The following CTDSPL2 variants were observed in gnomAD, a reference collection of about 807,000 sequenced individuals.
CTDSPL2 encodes the protein CTD small phosphatase like 2.
Under a neutral mutation model 60.0 loss-of-function variants are expected in CTDSPL2, and 5 were observed. That is an observed-to-expected ratio of 0.08 (90% CI 0.04 to 0.18). CTDSPL2 has a LOEUF of 0.18. Ranked by LOEUF, CTDSPL2 falls within the 10% of genes least tolerant of loss-of-function variation. The pLI is 1.00. For missense variants in CTDSPL2, 370 were observed against 548.8 expected (o/e 0.67, Z 3.26); for synonymous variants, 186 against 189.3 (o/e 0.98, Z 0.14).
At chr15:44,495,925 T>TC (rs1336024264) in intron 5 of CTDSPL2, among the ~76,000 whole-genome samples, 2 of 151,650 alleles carry the variant, frequency 1.3e-5, no homozygotes, top group South Asian at 2.1e-4. Flanking sequence ...AGATCGAGAC[T>TC]CCATCTCAAA....
chr15:44,491,812 C>T (rs1256896222), intron 5 of CTDSPL2, among the ~76,000 whole-genome samples: 1 of 152,044 alleles, frequency 6.6e-6, no homozygotes, highest in Non-Finnish European at 1.5e-5. Flanking sequence ...TTCAGGAGGC[C>T]AAGGCAGGAG....
chr15:44,522,966 T>G (rs141005902), intron 12 of CTDSPL2, among the ~76,000 whole-genome samples: 4 of 152,216 alleles, frequency 2.6e-5, no homozygotes, highest in African/African-American at 9.6e-5. Flanking sequence ...TTTGGCAGGA[T>G]GTAGTGGTGC....
chr15:44,519,321 T>C (rs1211550037), intron 11 of CTDSPL2, 26 bp downstream of exon 11: 2 of 1,532,880 alleles, frequency 1.3e-6, no homozygotes, highest in Admixed American at 2.4e-5. Context: ...ATAAACAAAC[T>C]CAGATTGGAA....
chr15:44,432,665 G>A (rs1420188573), intron 1 of CTDSPL2, among the ~76,000 whole-genome samples: 3 of 151,864 alleles, frequency 2.0e-5, no homozygotes, highest in Non-Finnish European at 4.4e-5. Flanking sequence ...TGTCTCCCAG[G>A]CTGCAGTGCA....
chr15:44,485,245 T>C (rs1284932090), intron 3 of CTDSPL2, among the ~76,000 whole-genome samples: 1 of 152,244 alleles, frequency 6.6e-6, no homozygotes, highest in Non-Finnish European at 1.5e-5. Flanking sequence ...ACTGCCGCTG[T>C]TGATAAACTC....
At chr15:44,474,648 G>C (rs941075524) in intron 2 of CTDSPL2, among the ~76,000 whole-genome samples, 3 of 152,112 alleles carry the variant, frequency 2.0e-5, no homozygotes, top group Admixed American at 6.6e-5. Flanking sequence ...CTGAGGTCAA[G>C]AGTTCGAGAC....
rs778837136 is a variant in CTDSPL2, at chr15:44,484,284, A to C, written c.247A>C (p.Ile83Leu). 1 of 1,613,368 alleles carries C rather than the reference A, an allele frequency of 6.2e-7. No homozygotes were observed. The highest frequency in any genetic ancestry group is 8.5e-7 in the Non-Finnish European group (1 of 1,179,326). Residue 83 changes from isoleucine (I) to leucine (L), a missense_variant, in exon 3 of 13, where the codon ATC (isoleucine) becomes CTC (leucine). Physicochemically the swap from Ile to Leu is conservative, Grantham distance 5 (BLOSUM62 2). Coordinates refer to ENST00000260327, the MANE Select transcript of CTDSPL2 (RefSeq NM_016396.3). Reference protein sequence around the residue: ...RIERDIDNNLITSTPRAGEKP... With the variant: ...RIERDIDNNLLTSTPRAGEKP... ...TGAACGTGATATAGATAACAATTTGATCACGTCAACACCAAGAGCAGGAGA... is the reference window on the plus strand; with the variant it reads ...TGAACGTGATATAGATAACAATTTGCTCACGTCAACACCAAGAGCAGGAGA...
chr15:44,504,080 G>A (rs2081419488), intron 8 of CTDSPL2, among the ~76,000 whole-genome samples: 1 of 152,146 alleles, frequency 6.6e-6, no homozygotes, highest in South Asian at 2.1e-4. Context: ...AGGTGCAGTG[G>A]CTCACGCCTG....
intron 1 of CTDSPL2, among the ~76,000 whole-genome samples, chr15:44,455,577 T>G (rs1250946544): frequency 2.6e-5 from 4 of 152,166 alleles, no homozygotes; most frequent in Non-Finnish European, 5.9e-5. Flanking sequence ...TAGCTCTTAT[T>G]ATTTTGAGAT....
At chr15:44,499,205 G>C (rs933685005) in intron 7 of CTDSPL2, among the ~76,000 whole-genome samples, 1 of 152,064 alleles carries the variant, frequency 6.6e-6, no homozygotes, top group Admixed American at 6.6e-5. Context: ...AGGAGTTCGA[G>C]ACCAGCCTGA....
At chr15:44,434,945 C>T (rs1215739907) in intron 1 of CTDSPL2, among the ~76,000 whole-genome samples, 1 of 152,142 alleles carries the variant, frequency 6.6e-6, no homozygotes, top group Non-Finnish European at 1.5e-5. Flanking sequence ...GTCTTTATCA[C>T]ACACTTTGTT....
chr15:44,497,159 G>A, intron 7 of CTDSPL2, 21 bp downstream of exon 7: 1 of 1,353,440 alleles, frequency 7.4e-7, no homozygotes, highest in South Asian at 1.3e-5. Context: ...TATCTGTAGA[G>A]GTAGAGAGAA....
intron 2 of CTDSPL2, among the ~76,000 whole-genome samples, chr15:44,459,820 T>C (rs1010782032): frequency 2.0e-5 from 3 of 152,232 alleles, no homozygotes; most frequent in African/African-American, 7.2e-5. Flanking sequence ...ATATTCACTG[T>C]CTAGGGAGGT....
chr15:44,430,531 G>A (rs897105469), intron 1 of CTDSPL2, among the ~76,000 whole-genome samples: 1 of 152,054 alleles, frequency 6.6e-6, no homozygotes, highest in African/African-American at 2.4e-5. Context: ...ACGGGTATTT[G>A]CCACCAAGCC....
chr15:44,517,811 T>C (rs1280157831), intron 10 of CTDSPL2, among the ~76,000 whole-genome samples: 1 of 152,244 alleles, frequency 6.6e-6, no homozygotes, highest in Admixed American at 6.5e-5. Context: ...CATATCTAAA[T>C]GTTTATAGAA....
At chr15:44,513,399 G>A (rs1378714060) in intron 8 of CTDSPL2, among the ~76,000 whole-genome samples, 3 of 152,248 alleles carry the variant, frequency 2.0e-5, no homozygotes, top group East Asian at 1.9e-4. Flanking sequence ...CCCAGGAGGC[G>A]GAGGTTGCAG....
intron 2 of CTDSPL2, among the ~76,000 whole-genome samples, chr15:44,476,812 ATGCATTAC>A (rs1437106573): frequency 1.3e-5 from 2 of 152,220 alleles, no homozygotes; most frequent in African/African-American, 4.8e-5. Context: ...TTGTTATGTG[ATGCATTAC>A]TTTATATAGA....
At chr15:44,451,626 T>G (rs1567066429) in intron 1 of CTDSPL2, among the ~76,000 whole-genome samples, 1 of 152,190 alleles carries the variant, frequency 6.6e-6, no homozygotes, top group Non-Finnish European at 1.5e-5. Flanking sequence ...CTTTACTGTT[T>G]CTATCATGTC....
intron 8 of CTDSPL2, among the ~76,000 whole-genome samples, chr15:44,510,416 T>C (rs992214326): frequency 2.0e-5 from 3 of 152,240 alleles, no homozygotes; most frequent in African/African-American, 7.2e-5. Context: ...TTTTTAAATA[T>C]AATTATTTCT....
Sources: gnomAD v4.1 joint callset for allele counts (sites outside exome capture counted in the v4.1 genomes callset) on GRCh38, gnomAD v4.1.1 for gene constraint, MANE v1.5 for transcripts, NCBI Gene and HGNC (gene_info 2026-07-23, HGNC 2026-07-21) for gene names.